PVT1: variants seen among roughly 807,000 people sequenced by gnomAD.
PVT1 encodes Pvt1 oncogene, also known as CXCR4/PVT1 fusion.
intron 3 of PVT1, among the ~76,000 whole-genome samples, chr8:127,920,671 G>C: frequency 6.6e-6 from 1 of 152,082 alleles, no homozygotes; most frequent in South Asian, 2.1e-4. Flanking sequence ...AATTAAGTAC[G>C]ACATAAACTA....
chr8:127,865,372 G>C (rs1026530458), intron 2 of PVT1, among the ~76,000 whole-genome samples: 1 of 152,140 alleles, frequency 6.6e-6, no homozygotes, highest in Non-Finnish European at 1.5e-5. Flanking sequence ...CTGGAACATG[G>C]GGATGTCATA....
intron 2 of PVT1, among the ~76,000 whole-genome samples, chr8:127,839,037 G>A (rs1374973323): frequency 6.6e-6 from 1 of 152,312 alleles, no homozygotes; most frequent in African/African-American, 2.4e-5. Context: ...GCAGTAGGCT[G>A]TACCATATAG....
chr8:127,967,287 T>G (rs1816713765), intron 3 of PVT1, among the ~76,000 whole-genome samples: 1 of 146,312 alleles, frequency 6.8e-6, no homozygotes, highest in African/African-American at 2.5e-5. Context: ...GGCAGTGAAG[T>G]GGGGAGAAGG....
chr8:127,820,437 C>T (rs1294290674), intron 2 of PVT1, among the ~76,000 whole-genome samples: 1 of 152,182 alleles, frequency 6.6e-6, no homozygotes, highest in African/African-American at 2.4e-5. Context: ...GCTCAGTAAT[C>T]AGAGCAGGAT....
At position 128,088,529 on chromosome 8, in the gene PVT1, G is replaced by A. The variant is rs547017132; in HGVS notation, n.1115-7989G>A. Among the ~76,000 whole-genome samples the A allele has an allele frequency of 6.6e-5, 10 of 152,290 alleles. No homozygotes were observed. The South Asian group carries it at 1.7e-3, about 25-fold the overall frequency. On this transcript the variant is annotated intron_variant and non_coding_transcript_variant, in intron 5 of 10. Transcript: ENST00000651587. The stretch of plus-strand genomic sequence containing the variant: ...CGAGGTTCCCCATTTGCAGGTATTC[G>A]GGGATTGTCTACCTACTTACTATTG...
chr8:127,953,445 G>T (rs1816531424), intron 3 of PVT1, among the ~76,000 whole-genome samples: 1 of 152,138 alleles, frequency 6.6e-6, no homozygotes, highest in South Asian at 2.1e-4. Context: ...TTTATCAGGG[G>T]ATGGCCATAA....
chr8:127,805,364 A>C (rs1814514373), intron 2 of PVT1, among the ~76,000 whole-genome samples: 1 of 152,006 alleles, frequency 6.6e-6, no homozygotes, highest in Non-Finnish European at 1.5e-5. Context: ...TTTTCAGTTA[A>C]TTAAAAAAAA....
At chr8:127,866,633 A>G (rs1251443084) in intron 2 of PVT1, among the ~76,000 whole-genome samples, 1 of 152,158 alleles carries the variant, frequency 6.6e-6, no homozygotes, top group Non-Finnish European at 1.5e-5. Context: ...GGAACCTGCT[A>G]TCTGGTGGGT....
intron 2 of PVT1, among the ~76,000 whole-genome samples, chr8:127,823,356 C>T (rs1234587297): frequency 1.3e-5 from 2 of 152,164 alleles, no homozygotes; most frequent in South Asian, 2.1e-4. Context: ...ATATGAAACT[C>T]CTGCTTTTGA....
At chr8:127,842,623 G>A (rs1365656586) in intron 2 of PVT1, among the ~76,000 whole-genome samples, 2 of 151,966 alleles carry the variant, frequency 1.3e-5, no homozygotes, top group East Asian at 3.9e-4. Flanking sequence ...CCACAGAAAG[G>A]CCGAGTCTCT....
chr8:127,988,932 G>T (rs533728894), intron 3 of PVT1, among the ~76,000 whole-genome samples: 1 of 152,264 alleles, frequency 6.6e-6, no homozygotes, highest in African/African-American at 2.4e-5. Flanking sequence ...TCAGAAATGG[G>T]GGATATCAAA....
At chr8:127,813,552 G>T (rs145557902) in intron 2 of PVT1, among the ~76,000 whole-genome samples, 430 of 152,194 alleles carry the variant, frequency 2.8e-3, no homozygotes, top group Non-Finnish European at 5.1e-3. Flanking sequence ...ACCCATGTCC[G>T]CTTTTGTCTC....
At chr8:127,941,171 T>A (rs533851414) in intron 3 of PVT1, among the ~76,000 whole-genome samples, 31 of 152,354 alleles carry the variant, frequency 2.0e-4, no homozygotes, top group African/African-American at 7.0e-4. Flanking sequence ...TGGGTCCAGT[T>A]CCTTTTAGGA....
At chr8:127,982,651 A>ATAATTAATTAATTAAT (rs35546489) in intron 3 of PVT1, among the ~76,000 whole-genome samples, 2 of 145,948 alleles carry the variant, frequency 1.4e-5, no homozygotes, top group South Asian at 2.2e-4. Flanking sequence ...CTCTACAAAA[A>ATAATTAATTAATTAAT]TAATTAATTA....
chr8:127,949,807 A>G (rs1816482067), intron 3 of PVT1, among the ~76,000 whole-genome samples: 1 of 152,186 alleles, frequency 6.6e-6, no homozygotes, highest in African/African-American at 2.4e-5. Flanking sequence ...AGGGAGGCCC[A>G]GTGCCGGCTG....
chr8:128,073,823 G>A (rs1814042966), intron 5 of PVT1, among the ~76,000 whole-genome samples: 2 of 147,224 alleles, frequency 1.4e-5, no homozygotes, highest in East Asian at 2.0e-4. Context: ...TTTTTAAGAT[G>A]AGAAAACTGC....
intron 4 of PVT1, among the ~76,000 whole-genome samples, chr8:128,057,905 A>G (rs570797314): frequency 3.3e-5 from 5 of 152,276 alleles, no homozygotes; most frequent in African/African-American, 1.2e-4. Flanking sequence ...CTAGCTTTCA[A>G]TCCAAACACT....
intron 6 of PVT1, among the ~76,000 whole-genome samples, chr8:128,097,348 T>A (rs372398692): frequency 6.6e-6 from 1 of 151,976 alleles, no homozygotes; most frequent in African/African-American, 2.4e-5. Context: ...GGCGACAGAG[T>A]GAGACTACTT....
intron 2 of PVT1, among the ~76,000 whole-genome samples, chr8:127,816,378 G>A (rs1814659468): frequency 6.6e-6 from 1 of 151,550 alleles, no homozygotes; most frequent in Non-Finnish European, 1.5e-5. Flanking sequence ...AAACTCCTGG[G>A]CTCGAGAGAT....
Sources: gnomAD v4.1 joint callset for allele counts (sites outside exome capture counted in the v4.1 genomes callset) on GRCh38, gnomAD v4.1.1 for gene constraint, MANE v1.5 for transcripts, NCBI Gene and HGNC (gene_info 2026-07-23, HGNC 2026-07-21) for gene names.